Variants in KCNK9 observed in about 807,000 individuals in gnomAD.
The protein encoded by KCNK9 is potassium two pore domain channel subfamily K member 9.
A neutral mutation model predicts 10.8 loss-of-function variants in KCNK9; 1 was observed. That is an observed-to-expected ratio of 0.09 (90% CI 0.03 to 0.44). The LOEUF (loss-of-function observed/expected upper bound fraction) is 0.44, where lower values mean the gene tolerates loss of function less well. Among genes scored for constraint, KCNK9 ranks in the 20% least tolerant of loss-of-function variants. The pLI is 0.97. For synonymous variants in KCNK9, 231 were observed against 222.7 expected (o/e 1.04, Z -0.33); for missense variants, 303 against 515.0 (o/e 0.59, Z 3.98).
rs184652663 is a variant in KCNK9, at chr8:139,626,992, T to G, written c.284-7893A>C. On this transcript the variant is annotated intron_variant, in intron 1 of 1. Transcript: ENST00000520439. ...GCCCCGGAATGAACTCGGCATGATT[T>G]AAACCCAGGCGTCTGCAAACACCAA... Among the ~76,000 whole-genome samples the G allele has an allele frequency of 9.9e-4, 151 of 152,258 alleles. 1 individual carries two copies. The highest frequency in any genetic ancestry group is 3.4e-3 in the African/African-American group (142 of 41,556).
downstream of KCNK9, chr8:139,615,933 C>T (rs146210866): frequency 6.6e-6 from 1 of 152,102 alleles, no homozygotes; most frequent in African/African-American, 2.4e-5. Flanking sequence ...CTCCAAGGGC[C>T]TGCTGCATGC....
intron 1 of KCNK9, among the ~76,000 whole-genome samples, chr8:139,633,559 ACACT>A (rs565013675): frequency 1.1e-4 from 16 of 152,264 alleles, no homozygotes; most frequent in Middle Eastern, 3.4e-3. Context: ...GCATGCACAC[ACACT>A]CAGACACACG....
chr8:139,609,311 A>G (rs961479251), downstream of KCNK9, among the ~76,000 whole-genome samples: 2 of 129,166 alleles, frequency 1.5e-5, no homozygotes, highest in African/African-American at 6.0e-5. Flanking sequence ...CTTCACTTGC[A>G]CGGTGCTACA....
At chr8:139,652,513 A>C (rs973536419) in intron 1 of KCNK9, among the ~76,000 whole-genome samples, 9 of 152,052 alleles carry the variant, frequency 5.9e-5, no homozygotes, top group African/African-American at 2.2e-4. Context: ...TTGCACCTGC[A>C]TCCCCTCCCT....
chr8:139,656,133 G>T (rs1816013575), intron 1 of KCNK9, among the ~76,000 whole-genome samples: 2 of 152,348 alleles, frequency 1.3e-5, no homozygotes, highest in South Asian at 4.1e-4. Context: ...GAGCCAGGTT[G>T]GGGTACAGGC....
intron 1 of KCNK9, among the ~76,000 whole-genome samples, chr8:139,639,904 G>C (rs1006467000): frequency 1.3e-5 from 2 of 151,852 alleles, no homozygotes; most frequent in East Asian, 3.9e-4. Flanking sequence ...TGCAAGATGC[G>C]CTAAGGACCC....
At chr8:139,629,650 T>C (rs888320630) in intron 1 of KCNK9, among the ~76,000 whole-genome samples, 4 of 151,938 alleles carry the variant, frequency 2.6e-5, no homozygotes, top group Non-Finnish European at 5.9e-5. Flanking sequence ...TTCTCCACAG[T>C]TCTGGAGCCT....
chr8:139,697,997 C>T (rs1002722137), intron 1 of KCNK9, among the ~76,000 whole-genome samples: 3 of 152,288 alleles, frequency 2.0e-5, no homozygotes, highest in African/African-American at 2.4e-5. Flanking sequence ...CACCCCATGG[C>T]GCCCTAGTAG....
intron 1 of KCNK9, among the ~76,000 whole-genome samples, chr8:139,644,717 C>CG (rs377763686): frequency 6.2e-5 from 7 of 112,512 alleles, no homozygotes; most frequent in African/African-American, 3.1e-4. Context: ...CTGCCCTGTC[C>CG]CCCCCCCCCA....
At chr8:139,614,669 G>A (rs1200941082), downstream of KCNK9, among the ~76,000 whole-genome samples, 1 of 151,972 alleles carries the variant, frequency 6.6e-6, no homozygotes, top group Admixed American at 6.5e-5. Flanking sequence ...ACGTAAAAGA[G>A]TCTAACAGGC....
chr8:139,622,872 A>C (rs1690823211), intron 1 of KCNK9, among the ~76,000 whole-genome samples: 1 of 152,238 alleles, frequency 6.6e-6, no homozygotes. Flanking sequence ...TTCAGAGTAC[A>C]CACAGTGTAC....
At chr8:139,654,166 T>C (rs996124586) in intron 1 of KCNK9, among the ~76,000 whole-genome samples, 3 of 152,164 alleles carry the variant, frequency 2.0e-5, no homozygotes, top group African/African-American at 7.2e-5. Flanking sequence ...TAAGAATCAC[T>C]GAGGAATAGC....
At chr8:139,696,249 G>A (rs958731845) in intron 1 of KCNK9, among the ~76,000 whole-genome samples, 1 of 152,150 alleles carries the variant, frequency 6.6e-6, no homozygotes, top group African/African-American at 2.4e-5. Context: ...TAGCTTCGGG[G>A]GTTCTGGGGT....
intron 1 of KCNK9, among the ~76,000 whole-genome samples, chr8:139,628,702 T>C (rs1470921185): frequency 6.6e-6 from 1 of 152,258 alleles, no homozygotes; most frequent in African/African-American, 2.4e-5. Context: ...GAACTTCAGT[T>C]GCCTTTTGAT....
chr8:139,670,559 A>C (rs1816403293), intron 1 of KCNK9, among the ~76,000 whole-genome samples: 1 of 152,242 alleles, frequency 6.6e-6, no homozygotes, highest in African/African-American at 2.4e-5. Flanking sequence ...TACCTGGGTT[A>C]TGTGCAAATA....
intron 1 of KCNK9, among the ~76,000 whole-genome samples, chr8:139,635,907 T>A (rs1044463894): frequency 7.2e-5 from 11 of 152,208 alleles, no homozygotes; most frequent in African/African-American, 2.7e-4. Context: ...GTGTGTGCTA[T>A]CATATTGCCA....
intron 1 of KCNK9, among the ~76,000 whole-genome samples, chr8:139,649,531 C>T (rs1307517127): frequency 6.6e-6 from 1 of 152,178 alleles, no homozygotes; most frequent in African/African-American, 2.4e-5. Context: ...TACCACCCAC[C>T]CCTGAGATAG....
At chr8:139,664,621 A>G (rs1312770233) in intron 1 of KCNK9, among the ~76,000 whole-genome samples, 1 of 152,194 alleles carries the variant, frequency 6.6e-6, no homozygotes. Flanking sequence ...GGTGCCAACC[A>G]CAGACAGGGC....
intron 1 of KCNK9, among the ~76,000 whole-genome samples, chr8:139,619,442 A>T (rs1184142058): frequency 6.6e-6 from 1 of 152,192 alleles, no homozygotes; most frequent in East Asian, 1.9e-4. Flanking sequence ...TTCGAATGCC[A>T]TCTTAGAGCC....
Sources: gnomAD v4.1 joint callset for allele counts (sites outside exome capture counted in the v4.1 genomes callset) on GRCh38, gnomAD v4.1.1 for gene constraint, MANE v1.5 for transcripts, NCBI Gene and HGNC (gene_info 2026-07-23, HGNC 2026-07-21) for gene names.